Variants in GALNT17 observed in about 807,000 individuals in gnomAD.
GALNT17 encodes the protein UDP-GalNAc:polypeptide N-acetylgalactosaminyltransferase-like 3.
In GALNT17, 29 loss-of-function variants were observed where a neutral mutation model predicts 63.7. The observed-to-expected ratio is 0.46, with a 90% confidence interval of 0.34 to 0.62. The LOEUF is 0.62. Among genes scored for constraint, GALNT17 ranks in the 20% least tolerant of loss-of-function variants. The pLI is 0.01. For missense variants in GALNT17, 603 were observed against 799.6 expected (o/e 0.75, Z 2.97); for synonymous variants, 305 against 318.3 (o/e 0.96, Z 0.45).
intron 1 of GALNT17, among the ~76,000 whole-genome samples, chr7:71,170,198 G>T (rs1040645570): frequency 2.0e-5 from 3 of 152,130 alleles, no homozygotes; most frequent in African/African-American, 7.2e-5. Flanking sequence ...TGTAATGAAT[G>T]AATGAATGAA....
chr7:71,684,008 C>CAA (rs5741642), intron 9 of GALNT17, among the ~76,000 whole-genome samples: 1,537 of 121,276 alleles, frequency 0.013, 19 homozygotes, highest in Middle Eastern at 0.029. Flanking sequence ...CACTCTGTCT[C>CAA]AAAAAAAAAA....
intron 1 of GALNT17, among the ~76,000 whole-genome samples, chr7:71,227,174 C>CAAAA (rs58450619): frequency 1.2e-4 from 7 of 60,812 alleles, no homozygotes; most frequent in Admixed American, 3.1e-4. Flanking sequence ...ACCGTCTCTA[C>CAAAA]AAAAAAAAAA....
intron 1 of GALNT17, among the ~76,000 whole-genome samples, chr7:71,164,907 C>T (rs1023048915): frequency 2.6e-5 from 4 of 152,140 alleles, no homozygotes; most frequent in African/African-American, 9.7e-5. Flanking sequence ...AAGTCATCTT[C>T]TCTAAGAAGC....
chr7:71,389,525 A>G (rs1793011545), intron 3 of GALNT17, among the ~76,000 whole-genome samples: 1 of 152,096 alleles, frequency 6.6e-6, no homozygotes, highest in Non-Finnish European at 1.5e-5. Context: ...CCCATGTTCC[A>G]TGGAAAAATT....
At chr7:71,703,549 C>T (rs1014940147) in intron 9 of GALNT17, among the ~76,000 whole-genome samples, 11 of 152,278 alleles carry the variant, frequency 7.2e-5, no homozygotes, top group East Asian at 1.9e-4. Flanking sequence ...TCTCCAACAC[C>T]GTCAATCACA....
At chr7:71,307,988 C>T (rs900427991) in intron 1 of GALNT17, among the ~76,000 whole-genome samples, 2 of 151,856 alleles carry the variant, frequency 1.3e-5, no homozygotes, top group South Asian at 2.1e-4. Flanking sequence ...GTAGGTGGGA[C>T]GTGCCTCATT....
chr7:71,262,365 C>T lies in GALNT17; in HGVS notation c.239-73185C>T, dbSNP rs374685808. Among the ~76,000 whole-genome samples, 8 of 152,248 alleles carry T rather than the reference C, an allele frequency of 5.3e-5. No homozygotes were observed. The East Asian group carries it at 7.8e-4, about 15-fold the overall frequency. ...TCCCGGCCTCAAGCAGTCCTCCTGC[C>T]TCAGCCTCCCAAAGTGCTGAGATTA... On this transcript the variant is annotated intron_variant, in intron 1 of 10. Transcript: ENST00000333538.
intron 1 of GALNT17, among the ~76,000 whole-genome samples, chr7:71,149,216 G>A (rs545143390): frequency 2.4e-4 from 37 of 152,198 alleles, no homozygotes; most frequent in African/African-American, 8.2e-4. Context: ...ACCACGCCTG[G>A]CTAATACACA....
chr7:71,528,584 G>A (rs936491497), intron 5 of GALNT17, among the ~76,000 whole-genome samples: 12 of 152,124 alleles, frequency 7.9e-5, no homozygotes, highest in African/African-American at 2.7e-4. Context: ...TAGGGAAGGG[G>A]CAGGAGTAAT....
chr7:71,229,764 GA>G lies in GALNT17; in HGVS notation c.238+96726del, dbSNP rs539148489. On this transcript the variant is annotated intron_variant, in intron 1 of 10. Coordinates refer to ENST00000333538, the MANE Select transcript of GALNT17 (RefSeq NM_022479.3). ...CCCTAGTCCCATCTGAGACCTGTGAGAAGTCATGGAATGGACCCTCCGCCTC... is the reference window on the plus strand; with the variant it reads ...CCCTAGTCCCATCTGAGACCTGTGAGAGTCATGGAATGGACCCTCCGCCTC... 1.2e-3 allele frequency among the ~76,000 whole-genome samples: 178 copies of G among 152,320 alleles called. 2 individuals are homozygous for G. In the Middle Eastern group the frequency reaches 0.034, roughly 29 times the overall value.
At chr7:71,482,355 G>T (rs1375263013) in intron 5 of GALNT17, among the ~76,000 whole-genome samples, 3 of 152,178 alleles carry the variant, frequency 2.0e-5, no homozygotes, top group East Asian at 3.9e-4. Flanking sequence ...TTGCCATGTT[G>T]GCCAGGCTGG....
chr7:71,318,420 TTG>T (rs796819075), intron 1 of GALNT17, among the ~76,000 whole-genome samples: 3 of 146,908 alleles, frequency 2.0e-5, no homozygotes, highest in Middle Eastern at 3.5e-3. Context: ...TCTTTTTTTT[TTG>T]TGTGTGTGTG....
Position 71,712,032 on chromosome 7 carries a change from G to T in GALNT17, c.1683G>T (p.Met561Ile). Residue 561 changes from methionine (M) to isoleucine (I), a missense_variant, in exon 11 of 11, where the codon ATG becomes ATT. Coordinates refer to ENST00000333538, the MANE Select transcript of GALNT17 (RefSeq NM_022479.3). ...CCCCCTCCCAGAATGGAGCCATCATGAACAAGGGCACGGGACGCTGCCTGG... is the reference window on the plus strand; with the variant it reads ...CCCCCTCCCAGAATGGAGCCATCATTAACAAGGGCACGGGACGCTGCCTGG... ...RWNFIQNGAI[M>I]NKGTGRCLEV... The T allele has an allele frequency of 6.2e-7, 1 of 1,613,822 alleles. No homozygotes were observed. Among genetic ancestry groups the T allele is most frequent in the South Asian group, 1.1e-5 (1 of 91,066 alleles).
rs554494337 is a variant in GALNT17 at position 71,253,288 on chromosome 7, T to G, written c.239-82262T>G. Among the ~76,000 whole-genome samples the G allele has an allele frequency of 1.5e-4, 23 of 152,214 alleles. 1 individual carries two copies. In the East Asian group the frequency reaches 1.7e-3, roughly 12 times the overall value. ...ATCATGGCGGAAGGCAAAAGGCACATCTTACATGACAAGAGAGAATAAGAG... is the reference window on the plus strand; with the variant it reads ...ATCATGGCGGAAGGCAAAAGGCACAGCTTACATGACAAGAGAGAATAAGAG... On this transcript the variant is annotated intron_variant, in intron 1 of 10. Transcript: ENST00000333538.
chr7:71,616,269 G>A lies in GALNT17; in HGVS notation c.1080+44867G>A, dbSNP rs74347535. On this transcript the variant is annotated intron_variant, in intron 6 of 10. Coordinates refer to ENST00000333538, the MANE Select transcript of GALNT17 (RefSeq NM_022479.3). The stretch of plus-strand genomic sequence containing the variant: ...TGTCTGAAGCTGAACTTGAAGACAA[G>A]TAAATTCCAGATTCTTTCCCCCCCG... Among the ~76,000 whole-genome samples the A allele has an allele frequency of 8.4e-3, 1,277 of 151,936 alleles. 22 individuals are homozygous for A. The highest frequency in any genetic ancestry group is 0.029 in the African/African-American group (1,209 of 41,464).
intron 3 of GALNT17, among the ~76,000 whole-genome samples, chr7:71,403,260 T>C (rs1278046250): frequency 6.6e-6 from 1 of 152,252 alleles, no homozygotes; most frequent in Non-Finnish European, 1.5e-5. Flanking sequence ...GGAAATTCCA[T>C]GTAGCCTTCG....
chr7:71,298,563 C>T (rs1791126276), intron 1 of GALNT17, among the ~76,000 whole-genome samples: 1 of 152,126 alleles, frequency 6.6e-6, no homozygotes, highest in South Asian at 2.1e-4. Flanking sequence ...CAGACCTGAG[C>T]TGACACTTGC....
At chr7:71,272,586 G>A (rs111552604) in intron 1 of GALNT17, among the ~76,000 whole-genome samples, 2,680 of 152,302 alleles carry the variant, frequency 0.018, 28 homozygotes, top group Middle Eastern at 0.027. Context: ...TTGGGGGAAA[G>A]TCAGCCTCAG....
At chr7:71,452,639 G>T (rs1787284661) in intron 5 of GALNT17, among the ~76,000 whole-genome samples, 2 of 152,202 alleles carry the variant, frequency 1.3e-5, no homozygotes, top group Admixed American at 1.3e-4. Context: ...TTATTGGGTA[G>T]AAAAGTTGGT....
Sources: allele counts gnomAD v4.1 joint callset (sites outside exome capture counted in the v4.1 genomes callset), GRCh38; gene constraint gnomAD v4.1.1; transcripts MANE v1.5; gene names NCBI Gene and HGNC (gene_info 2026-07-23, HGNC 2026-07-21).